Variants in SKAP2 observed in about 807,000 individuals in gnomAD.
SKAP2 encodes the protein src kinase-associated phosphoprotein 2.
SKAP2 carries 28 observed loss-of-function variants against 54.9 expected under a neutral mutation model. The observed-to-expected ratio is 0.51, with a 90% CI of 0.38 to 0.70. SKAP2 has a LOEUF of 0.70. Ranked by LOEUF, SKAP2 falls within the 30% of genes least tolerant of loss-of-function variation. SKAP2 has a pLI of 0.00. For missense variants in SKAP2, 356 were observed against 424.1 expected, an observed-to-expected ratio of 0.84 and a Z score of 1.41; for synonymous variants, 137 against 134.3, an observed-to-expected ratio of 1.02 and a Z score of -0.14.
chr7:26,833,137 T>C (rs1384674836), intron 4 of SKAP2, among the ~76,000 whole-genome samples: 1 of 151,690 alleles, frequency 6.6e-6, no homozygotes. Context: ...AATCTGTAAC[T>C]AGGAATTAAA....
chr7:26,812,616 TGG>T (rs1784176781), intron 4 of SKAP2, among the ~76,000 whole-genome samples: 2 of 152,292 alleles, frequency 1.3e-5, no homozygotes, highest in Admixed American at 1.3e-4. Flanking sequence ...TGTTAAACAA[TGG>T]GTTTAAATGA....
chr7:26,680,502 A>C (rs1786467441), intron 11 of SKAP2, among the ~76,000 whole-genome samples: 1 of 152,234 alleles, frequency 6.6e-6, no homozygotes, highest in South Asian at 2.1e-4. Flanking sequence ...TTCCCCCATC[A>C]AATGAATCTG....
intron 4 of SKAP2, among the ~76,000 whole-genome samples, chr7:26,742,792 A>C (rs1782481466): frequency 1.3e-5 from 2 of 152,156 alleles, no homozygotes; most frequent in Non-Finnish European, 2.9e-5. Flanking sequence ...TTTCAGAAGA[A>C]CCATTTGGTT....
chr7:26,665,216 A>G (rs962654172), downstream of SKAP2, among the ~76,000 whole-genome samples: 3 of 152,192 alleles, frequency 2.0e-5, no homozygotes, highest in Non-Finnish European at 4.4e-5. Context: ...TTCACTGGAA[A>G]GTGAAAGTAG....
chr7:26,816,310 A>G (rs1373201389), intron 4 of SKAP2, among the ~76,000 whole-genome samples: 3 of 152,126 alleles, frequency 2.0e-5, no homozygotes, highest in African/African-American at 7.2e-5. Context: ...AAATAGTTAC[A>G]TATTCAGCAT....
At chr7:26,779,551 C>T (rs185972017) in intron 4 of SKAP2, among the ~76,000 whole-genome samples, 13 of 152,132 alleles carry the variant, frequency 8.5e-5, no homozygotes, top group Admixed American at 7.9e-4. Context: ...TTGACAACCA[C>T]ATGACAAAGC....
intron 9 of SKAP2, among the ~76,000 whole-genome samples, chr7:26,721,061 T>G (rs1787566489): frequency 5.9e-5 from 9 of 152,214 alleles, no homozygotes; most frequent in Admixed American, 5.9e-4. Flanking sequence ...AGACTAACAA[T>G]ATTAAAATAC....
intron 9 of SKAP2, among the ~76,000 whole-genome samples, chr7:26,723,601 A>AC (rs1346105301): frequency 3.9e-5 from 6 of 152,198 alleles, no homozygotes; most frequent in Non-Finnish European, 7.3e-5. Context: ...GTAAGAAAAA[A>AC]TAAAAGATGT....
intron 9 of SKAP2, among the ~76,000 whole-genome samples, chr7:26,723,027 G>A (rs1007336542): frequency 3.9e-5 from 6 of 152,094 alleles, no homozygotes; most frequent in South Asian, 4.1e-4. Flanking sequence ...GCACAGAACT[G>A]GAAAAATATC....
At chr7:26,730,284 A>G (rs1191614353) in intron 6 of SKAP2, among the ~76,000 whole-genome samples, 1 of 152,240 alleles carries the variant, frequency 6.6e-6, no homozygotes, top group East Asian at 1.9e-4. Context: ...ATACCTGTTA[A>G]CAAAATTATC....
intron 9 of SKAP2, among the ~76,000 whole-genome samples, chr7:26,691,214 T>C (rs1934418444): frequency 6.6e-6 from 1 of 152,134 alleles, no homozygotes; most frequent in African/African-American, 2.4e-5. Context: ...ACCTATACCA[T>C]TCCTTCCCCA....
intron 1 of SKAP2, chr7:26,855,111 T>G: frequency 3.1e-6 from 1 of 327,310 alleles, no homozygotes; most frequent in Non-Finnish European, 5.6e-6. Flanking sequence ...GTTCTACTTA[T>G]GCTTACCACA....
intron 4 of SKAP2, among the ~76,000 whole-genome samples, chr7:26,819,564 T>C (rs1442925356): frequency 2.1e-5 from 2 of 94,628 alleles, no homozygotes; most frequent in African/African-American, 7.2e-5. Flanking sequence ...GAACTTAAAG[T>C]ATACTTAAAA....
At chr7:26,717,161 C>T (rs1286822380) in intron 9 of SKAP2, among the ~76,000 whole-genome samples, 1 of 151,956 alleles carries the variant, frequency 6.6e-6, no homozygotes, top group Non-Finnish European at 1.5e-5. Flanking sequence ...TGCAGCAAGG[C>T]GTAGAGCCAG....
chr7:26,786,039 G>T (rs1184059326), intron 4 of SKAP2, among the ~76,000 whole-genome samples: 1 of 152,088 alleles, frequency 6.6e-6, no homozygotes, highest in Admixed American at 6.5e-5. Flanking sequence ...TTCACCCCAA[G>T]AACTGAACCT....
chr7:26,853,577 T>C (rs1338575051), intron 3 of SKAP2, among the ~76,000 whole-genome samples: 1 of 152,188 alleles, frequency 6.6e-6, no homozygotes, highest in Non-Finnish European at 1.5e-5. Context: ...ATTCCCTTCT[T>C]TAAAAAATGT....
chr7:26,687,257 C>T (rs753804315), intron 10 of SKAP2, among the ~76,000 whole-genome samples: 2 of 151,018 alleles, frequency 1.3e-5, no homozygotes, highest in Non-Finnish European at 3.0e-5. Flanking sequence ...GCATCTCTCC[C>T]TAGATGTGCA....
At chr7:26,857,684 T>C (rs932317507) in intron 1 of SKAP2, 4 of 985,298 alleles carry the variant, frequency 4.1e-6, no homozygotes, top group Admixed American at 6.1e-5. Context: ...GCAGTGAGCA[T>C]GGAGAGCCGG....
chr7:26,809,182 G>T (rs1046772313), intron 4 of SKAP2, among the ~76,000 whole-genome samples: 3 of 152,158 alleles, frequency 2.0e-5, no homozygotes, highest in African/African-American at 7.2e-5. Context: ...GGGAGGCCAA[G>T]GTGGGCAGAT....
Sources: allele counts gnomAD v4.1 joint callset (sites outside exome capture counted in the v4.1 genomes callset), GRCh38; gene constraint gnomAD v4.1.1; transcripts MANE v1.5; gene names NCBI Gene and HGNC (gene_info 2026-07-23, HGNC 2026-07-21).